PRTN3: variants seen among roughly 807,000 people sequenced by gnomAD.
The protein encoded by PRTN3 is proteinase 3, also known as myeloblastin.
In PRTN3, 22 loss-of-function variants were observed where a neutral mutation model predicts 20.7. That is an observed-to-expected ratio of 1.06 (90% CI 0.76 to 1.52). PRTN3 has a LOEUF of 1.52. Ranked by LOEUF, PRTN3 falls within the 40% of genes most tolerant of loss-of-function variation. The probability of loss-of-function intolerance (pLI) is 0.00; values close to 1 mark genes in which losing one functional copy is unlikely to be tolerated. For missense variants in PRTN3, 378 were observed against 359.6 expected (o/e 1.05, Z -0.41); for synonymous variants, 173 against 152.9 (o/e 1.13, Z -0.97).
chr19:844,226 C>T (rs1383251295), intron 3 of PRTN3, among the ~76,000 whole-genome samples, 192 bp downstream of exon 3: 2 of 135,708 alleles, frequency 1.5e-5, no homozygotes, highest in Non-Finnish European at 3.1e-5. Context: ...CTCCCCGCCT[C>T]TCCCCCGCCC....
intron 4 of PRTN3, 106 bp from the exon 5 acceptor site, chr19:847,693 T>C (rs956891679): frequency 5.1e-6 from 7 of 1,379,644 alleles, no homozygotes; most frequent in South Asian, 1.5e-5. Flanking sequence ...GCTGTCCCCA[T>C]CCTCCCGGGA....
At chr19:844,180 G>A (rs1170029041) in intron 3 of PRTN3, 146 bp downstream of exon 3, 7 of 1,084,812 alleles carry the variant, frequency 6.5e-6, no homozygotes, top group Middle Eastern at 3.1e-4. Flanking sequence ...GGCACTGGCC[G>A]GGGGAGACCG....
chr19:847,718 CT>C (rs1599286111), intron 4 of PRTN3, 80 bp from the exon 5 acceptor site: 3 of 1,493,656 alleles, frequency 2.0e-6, no homozygotes, highest in Non-Finnish European at 2.7e-6. Flanking sequence ...CAGGTGGCCC[CT>C]GATGGGTGAC....
intron 2 of PRTN3, 61 bp downstream of exon 2, chr19:843,687 C>G (rs2301878): frequency 0.052 from 79,533 of 1,518,392 alleles, 4,677 homozygotes; most frequent in East Asian, 0.24. Flanking sequence ...AGCCCTGGCC[C>G]GGCCACTGTC....
intron 1 of PRTN3, among the ~76,000 whole-genome samples, chr19:842,559 A>T (rs1272813097): frequency 7.1e-6 from 1 of 140,924 alleles, no homozygotes; most frequent in Non-Finnish European, 1.5e-5. Context: ...AGCTGAGATT[A>T]CAGGTGCGAA....
chr19:847,907 G>C lies in PRTN3; in HGVS notation c.709G>C (p.Ala237Pro). Residue 237 changes from alanine (A) to proline (P), a missense_variant, in exon 5 of 5, where the codon GCC becomes CCC. Coordinates refer to ENST00000234347, the MANE Select transcript of PRTN3 (RefSeq NM_002777.4). ...RLFPDFFTRV[A>P]LYVDWIRSTL... ...TTTCCCTGACTTCTTCACGCGGGTA[G>C]CCCTCTACGTGGACTGGATCCGTTC... The C allele has an allele frequency of 6.2e-7, 1 of 1,608,272 alleles. No homozygotes were observed. Among genetic ancestry groups the C allele is most frequent in the Non-Finnish European group, 8.5e-7 (1 of 1,177,286 alleles).
intron 4 of PRTN3, among the ~76,000 whole-genome samples, chr19:847,579 G>A (rs927207209): frequency 8.8e-4 from 127 of 143,820 alleles, no homozygotes; most frequent in African/African-American, 3.0e-3. Context: ...GAGAGAGAGA[G>A]AGAAAGAAAG....
chr19:846,370 T>C lies in PRTN3; in HGVS notation c.593T>C (p.Ile198Thr), dbSNP rs781026831. ...TTCGTCCCTCGCCGCAAGGCCGGCA[T>C]CTGCTTCGTAAGTAACCGTGCCCCC... ...CTFVPRRKAG[I>T]CFGDSGGPLI... Residue 198 changes from isoleucine (I) to threonine (T), a missense_variant, in exon 4 of 5, where the codon ATC becomes ACC. Physicochemically the swap from Ile to Thr is moderately conservative, Grantham distance 89. Transcript: ENST00000234347. The C allele has an allele frequency of 1.9e-6, 3 of 1,553,776 alleles. No individual in the cohort carries two copies. Among genetic ancestry groups the C allele is most frequent in the Admixed American group, 2.0e-5 (1 of 50,836 alleles).
chr19:842,313 G>A (rs1464466327), intron 1 of PRTN3, among the ~76,000 whole-genome samples: 1 of 111,434 alleles, frequency 9.0e-6, no homozygotes, highest in Non-Finnish European at 1.8e-5. Flanking sequence ...TCTCTTTGTT[G>A]GCTGATTTTT....
chr19:848,031 C>A lies in PRTN3; in HGVS notation c.*62C>A. The A allele has an allele frequency of 6.6e-7, 1 of 1,522,958 alleles. No individual in the cohort carries two copies. The highest frequency in any genetic ancestry group is 8.8e-7 in the Non-Finnish European group (1 of 1,133,990). 94.3% of individuals were successfully genotyped at this position (1,522,958 alleles called of 1,614,324 possible). On this transcript the variant is annotated 3_prime_UTR_variant, in exon 5 of 5. Transcript: ENST00000234347. ...CTGGCTCCAAACCCTCGAGGCGGAT[C>A]TTTGGACAGAAGCAGCTCTTCCCCG...
chr19:842,318 ATTTTT>A (rs112350346), intron 1 of PRTN3, among the ~76,000 whole-genome samples: 21,114 of 121,390 alleles, frequency 0.17, 1,794 homozygotes, highest in Admixed American at 0.26. Flanking sequence ...TTGTTGGCTG[ATTTTT>A]TTTTTTTTTT....
At chr19:846,067 G>A (rs2035511964) in intron 3 of PRTN3, 80 bp from the exon 4 acceptor site, 3 of 1,087,540 alleles carry the variant, frequency 2.8e-6, no homozygotes, top group East Asian at 5.8e-5. Context: ...GGTGGGTGTG[G>A]TGGGTGTGGT....
chr19:844,782 G>C (rs1027781859), intron 3 of PRTN3, among the ~76,000 whole-genome samples: 3 of 151,622 alleles, frequency 2.0e-5, no homozygotes, highest in Non-Finnish European at 2.9e-5. Flanking sequence ...GGCTTAGAAC[G>C]GGACTGGGCA....
intron 3 of PRTN3, among the ~76,000 whole-genome samples, chr19:844,749 G>A (rs1420700302): frequency 6.6e-6 from 1 of 151,312 alleles, no homozygotes; most frequent in Non-Finnish European, 1.5e-5. Context: ...TTTTGTCTGT[G>A]TTGTTCGTTA....
chr19:847,737 C>T (rs1354889294), intron 4 of PRTN3, 62 bp from the exon 5 acceptor site: 2 of 1,531,416 alleles, frequency 1.3e-6, no homozygotes, highest in East Asian at 4.7e-5. Context: ...GACTGGCCGT[C>T]CCCATCCTCC....
intron 1 of PRTN3, among the ~76,000 whole-genome samples, chr19:842,050 G>A (rs552747167): frequency 6.6e-6 from 1 of 151,368 alleles, no homozygotes. Context: ...TTTTGAAACG[G>A]AATCTTGCTC....
chr19:844,220 C>CCGCCTCTCCCCCGCCG (rs2035484936), intron 3 of PRTN3, among the ~76,000 whole-genome samples, 186 bp downstream of exon 3: 1 of 101,516 alleles, frequency 9.9e-6, no homozygotes, highest in Non-Finnish European at 1.9e-5. Flanking sequence ...CTCCTCCTCC[C>CCGCCTCTCCCCCGCCG]CGCCTCTCCC....
chr19:845,098 C>A (rs2035499390), intron 3 of PRTN3, among the ~76,000 whole-genome samples: 3 of 151,954 alleles, frequency 2.0e-5, no homozygotes. Context: ...CAGGCATGCA[C>A]CAACACGCTT....
At chr19:842,586 A>AT (rs71174326) in intron 1 of PRTN3, among the ~76,000 whole-genome samples, 20,525 of 65,368 alleles carry the variant, frequency 0.31, 4,575 homozygotes, top group East Asian at 0.54. Context: ...CACCTGGCTA[A>AT]TTTTTTTTTT....
Sources: allele counts gnomAD v4.1 joint callset (sites outside exome capture counted in the v4.1 genomes callset), GRCh38; gene constraint gnomAD v4.1.1; transcripts MANE v1.5; gene names NCBI Gene and HGNC (gene_info 2026-07-23, HGNC 2026-07-21).